Variants in ADORA2A observed in about 807,000 individuals in gnomAD.
ADORA2A encodes adenosine receptor A2a.
ADORA2A carries 11 observed loss-of-function variants against 18.4 expected under a neutral mutation model. The ratio of observed to expected loss-of-function variants is 0.60; its 90% CI spans 0.38 to 0.99. The LOEUF (loss-of-function observed/expected upper bound fraction) is 0.99, where lower values mean the gene tolerates loss of function less well. Ranked by LOEUF, ADORA2A falls within the 50% of genes least tolerant of loss-of-function variation. ADORA2A has a pLI of 0.01. For missense variants in ADORA2A, 449 were observed against 556.1 expected (o/e 0.81, Z 1.94); for synonymous variants, 218 against 237.3 (o/e 0.92, Z 0.75).
chr22:24,425,789 G>C (rs2042912780), upstream of ADORA2A, among the ~76,000 whole-genome samples: 1 of 152,254 alleles, frequency 6.6e-6, no homozygotes, highest in Admixed American at 6.5e-5. Flanking sequence ...CTCTCGTCTG[G>C]GTTCTGGTCT....
In ADORA2A at chr22:24,441,598, A is replaced by G; in HGVS notation, c.*109A>G. The G allele has an allele frequency of 3.4e-6, 4 of 1,172,344 alleles. No individual in the cohort carries two copies. Among genetic ancestry groups the G allele is most frequent in the Non-Finnish European group, 3.4e-6 (3 of 886,474 alleles). The allele number at this position is 1,172,344 out of a possible 1,614,324, so 72.6% of individuals were successfully genotyped here. On this transcript the variant is annotated 3_prime_UTR_variant, in exon 3 of 3. Coordinates refer to ENST00000337539, the MANE Select transcript of ADORA2A (RefSeq NM_000675.6). ...GAGAGTGCCAGGAGACCCTGAGGGCAGCCGGTTCCTACTTTGGACTGAGAG... is the reference window on the plus strand; with the variant it reads ...GAGAGTGCCAGGAGACCCTGAGGGCGGCCGGTTCCTACTTTGGACTGAGAG...
chr22:24,431,658 CA>C (rs1568945202), intron 1 of ADORA2A: 2 of 378,556 alleles, frequency 5.3e-6, no homozygotes, highest in East Asian at 1.4e-4. Flanking sequence ...GCTGGCAACA[CA>C]CTCATAGGGC....
upstream of ADORA2A, among the ~76,000 whole-genome samples, chr22:24,425,443 T>C (rs2042908813): frequency 6.6e-6 from 1 of 151,188 alleles, no homozygotes; most frequent in Non-Finnish European, 1.5e-5. Flanking sequence ...GCTTGCTTTT[T>C]GGGGTCTCCC....
At chr22:24,424,321 GC>G (rs1252256751), upstream of ADORA2A, 1 of 152,346 alleles carries the variant, frequency 6.6e-6, no homozygotes, top group Non-Finnish European at 1.5e-5. The surrounding 1 kb of genome is among the most constrained non-coding windows in gnomAD (Gnocchi z 4.9). Context: ...GCGGCGGCCG[GC>G]GCGGCGCGGG....
upstream of ADORA2A, among the ~76,000 whole-genome samples, chr22:24,424,997 C>T (rs1043398020): frequency 1.3e-5 from 2 of 152,058 alleles, no homozygotes; most frequent in Non-Finnish European, 2.9e-5. The surrounding 1 kb of genome is among the most constrained non-coding windows in gnomAD (Gnocchi z 4.9). Flanking sequence ...GAGGGTGAGC[C>T]GCAGGTCAAG....
At chr22:24,435,558 C>T (rs1389974774) in intron 2 of ADORA2A, among the ~76,000 whole-genome samples, 1 of 152,164 alleles carries the variant, frequency 6.6e-6, no homozygotes, top group Admixed American at 6.5e-5. Flanking sequence ...TGTAGTAGGA[C>T]AGGATGTGCT....
Position 24,441,115 on chromosome 22 carries a change from G to A in ADORA2A, c.865G>A (p.Ala289Thr), listed in dbSNP as rs201077707. 3.7e-6 allele frequency: 6 copies of A among 1,613,952 alleles called. No homozygotes were observed. The highest frequency in any genetic ancestry group is 5.1e-6 in the Non-Finnish European group (6 of 1,180,040). Residue 289 changes from alanine (A) to threonine (T), a missense_variant, in exon 3 of 3, where the codon GCC becomes ACC. By Grantham distance (58) the Ala-to-Thr change is moderately conservative. Coordinates refer to ENST00000337539, the MANE Select transcript of ADORA2A (RefSeq NM_000675.6). ...TNSVVNPFIY[A>T]YRIREFRQTF... The stretch of plus-strand genomic sequence containing the variant: ...TTCGGTTGTGAATCCCTTCATCTAC[G>A]CCTACCGTATCCGCGAGTTCCGCCA...
At chr22:24,427,954 A>G (rs2042940451) in intron 1 of ADORA2A, among the ~76,000 whole-genome samples, 1 of 152,184 alleles carries the variant, frequency 6.6e-6, no homozygotes, top group African/African-American at 2.4e-5. Context: ...ACATCCTGCC[A>G]CCAGGAGCAG....
upstream of ADORA2A, among the ~76,000 whole-genome samples, chr22:24,424,830 A>C (rs918632836): frequency 2.0e-5 from 3 of 151,382 alleles, no homozygotes; most frequent in African/African-American, 4.9e-5. The surrounding 1 kb of genome is among the most constrained non-coding windows in gnomAD (Gnocchi z 4.9). Context: ...CTTGAGGAGG[A>C]GGCCGCGGGC....
upstream of ADORA2A, among the ~76,000 whole-genome samples, chr22:24,426,286 C>T (rs2042918140): frequency 2.0e-5 from 3 of 152,218 alleles, no homozygotes; most frequent in South Asian, 6.2e-4. Context: ...TCTGTCTTGT[C>T]TATTGCAGCG....
intron 2 of ADORA2A, among the ~76,000 whole-genome samples, chr22:24,435,682 T>A (rs1328797607): frequency 1.3e-5 from 2 of 151,750 alleles, no homozygotes; most frequent in Non-Finnish European, 2.9e-5. Flanking sequence ...GTCCAGTGAG[T>A]GGATGGGGTG....
rs57136652 is a variant in ADORA2A, at chr22:24,441,396, C to T, written c.1146C>T (p.Asp382=). The T allele has an allele frequency of 2.7e-5, 42 of 1,562,974 alleles. No homozygotes were observed. In the Admixed American group the frequency reaches 3.0e-4, roughly 11 times the overall value. ...QESQGNTGLP[D]VELLSHELKG... is the part of the protein sequence containing the mutation. Reference sequence around the variant, plus strand: ...CCCAGGGGAACACGGGCCTCCCAGACGTGGAGCTCCTTAGCCATGAGCTCA... The same window carrying T: ...CCCAGGGGAACACGGGCCTCCCAGATGTGGAGCTCCTTAGCCATGAGCTCA... Residue 382 remains aspartate (D), a synonymous_variant, in exon 3 of 3, where the codon GAC becomes GAT. Coordinates refer to ENST00000337539, the MANE Select transcript of ADORA2A (RefSeq NM_000675.6).
chr22:24,427,559 A>C (rs2042931970), upstream of ADORA2A: 1 of 152,384 alleles, frequency 6.6e-6, no homozygotes, highest in African/African-American at 2.4e-5. Context: ...GACGTGGCTC[A>C]CCACAGCCTG....
intron 2 of ADORA2A, among the ~76,000 whole-genome samples, chr22:24,436,574 G>GACAC (rs2043184034): frequency 6.6e-6 from 1 of 152,156 alleles, no homozygotes; most frequent in Admixed American, 6.5e-5. Flanking sequence ...CAGGGTGAGA[G>GACAC]ACACAGGCTT....
At chr22:24,438,590 G>A (rs1467743668) in intron 2 of ADORA2A, 1 of 152,152 alleles carries the variant, frequency 6.6e-6, no homozygotes, top group Non-Finnish European at 1.5e-5. Context: ...AAGCCCCCAC[G>A]GAATGGAGCT....
chr22:24,435,500 T>C (rs527630551), intron 2 of ADORA2A, among the ~76,000 whole-genome samples: 1 of 152,312 alleles, frequency 6.6e-6, no homozygotes, highest in Admixed American at 6.5e-5. Context: ...CTCTTTTGTC[T>C]CTCCCTTTCC....
intron 2 of ADORA2A, among the ~76,000 whole-genome samples, chr22:24,439,723 G>A (rs2043285833): frequency 6.6e-6 from 1 of 152,026 alleles, no homozygotes; most frequent in African/African-American, 2.4e-5. Flanking sequence ...GCCATTTCCC[G>A]AGTATGAGAC....
At position 24,433,655 on chromosome 22, in the gene ADORA2A, T is replaced by G. The variant is rs1601408346; in HGVS notation, c.251T>G (p.Val84Gly). Residue 84 changes from valine to glycine, a missense_variant, in exon 2 of 3, where the codon GTC (valine) becomes GGC (glycine). Transcript: ENST00000337539. The part of the protein sequence containing the change: ...CHGCLFIACF[V>G]LVLTQSSIFS... ...GGCTGCCTCTTCATTGCCTGCTTCG[T>G]CCTGGTCCTCACGCAGAGCTCCATC... 6.2e-7 allele frequency: 1 copy of G among 1,613,164 alleles called. No homozygotes were observed. Among genetic ancestry groups the G allele is most frequent in the South Asian group, 1.1e-5 (1 of 91,090 alleles).
intron 2 of ADORA2A, among the ~76,000 whole-genome samples, chr22:24,435,480 G>A (rs992463038): frequency 1.4e-4 from 21 of 152,192 alleles, no homozygotes; most frequent in African/African-American, 2.7e-4. Flanking sequence ...AAAGGAGCTC[G>A]ACTTTTTTTC....
Sources: allele counts gnomAD v4.1 joint callset (sites outside exome capture counted in the v4.1 genomes callset), GRCh38; gene constraint gnomAD v4.1.1; non-coding constraint Gnocchi (gnomAD v3.1); transcripts MANE v1.5; gene names NCBI Gene and HGNC (gene_info 2026-07-23, HGNC 2026-07-21).